The following CALN1 variants were observed in gnomAD, a reference collection of about 807,000 sequenced individuals.
CALN1 encodes calneuron 1, also known as calcium-binding protein 8.
Under a neutral mutation model 30.6 loss-of-function variants are expected in CALN1, and 17 were observed. The observed-to-expected ratio is 0.56, with a 90% CI of 0.38 to 0.83. CALN1 has a LOEUF of 0.83. Among genes scored for constraint, CALN1 ranks in the 40% least tolerant of loss-of-function variants. The pLI is 0.00. For synonymous variants in CALN1, 156 were observed against 131.4 expected, an observed-to-expected ratio of 1.19 and a Z score of -1.28; for missense variants, 291 against 354.9, an observed-to-expected ratio of 0.82 and a Z score of 1.45.
intron 3 of CALN1, among the ~76,000 whole-genome samples, chr7:72,163,282 A>G (rs886864742): frequency 3.9e-5 from 6 of 152,150 alleles, no homozygotes; most frequent in Non-Finnish European, 5.9e-5. Context: ...TGTTTGGACA[A>G]TAACTGCTTT....
intron 2 of CALN1, among the ~76,000 whole-genome samples, chr7:72,397,043 T>C (rs1407088728): frequency 2.0e-5 from 3 of 151,970 alleles, no homozygotes; most frequent in Admixed American, 6.6e-5. Flanking sequence ...CCAAAGTGGC[T>C]AGGACTACAG....
intron 4 of CALN1, among the ~76,000 whole-genome samples, chr7:72,033,648 G>A (rs1467040562): frequency 6.6e-6 from 1 of 152,180 alleles, no homozygotes; most frequent in Admixed American, 6.6e-5. Context: ...ATGCCAGGAA[G>A]GAGGGAAGGT....
At chr7:72,325,886 T>A (rs548338999) in intron 2 of CALN1, among the ~76,000 whole-genome samples, 1 of 152,078 alleles carries the variant, frequency 6.6e-6, no homozygotes, top group East Asian at 1.9e-4. Flanking sequence ...GGGCAAAAAA[T>A]GTGATTTAAC....
the CALN1 span, among the ~76,000 whole-genome samples, chr7:72,453,706 C>G: frequency 3.3e-5 from 5 of 152,098 alleles, no homozygotes; most frequent in Admixed American, 2.0e-4. Context: ...TTTTCCTGAC[C>G]GGACAAGAAT....
At chr7:72,254,453 T>C (rs1020732631) in intron 3 of CALN1, among the ~76,000 whole-genome samples, 6 of 152,272 alleles carry the variant, frequency 3.9e-5, no homozygotes, top group African/African-American at 1.4e-4. Flanking sequence ...CATCGTCTGC[T>C]GTCCCCACTC....
In CALN1 at chr7:72,429,637, C is replaced by T. The variant is rs559320325; in HGVS notation, c.-225-17362G>A. The stretch of plus-strand genomic sequence containing the variant: ...ACTCAATGTCATCATTTAAAAGAAA[C>T]AAAAACTTCTCACATTCTTCATGAT... On this transcript the variant is annotated intron_variant, in intron 1 of 6. Transcript: ENST00000395276. 1.3e-4 allele frequency among the ~76,000 whole-genome samples: 19 copies of T among 151,516 alleles called. No homozygotes were observed. The South Asian group carries it at 3.1e-3, about 25-fold the overall frequency.
At chr7:72,325,869 G>A (rs769442299) in intron 2 of CALN1, among the ~76,000 whole-genome samples, 1 of 152,100 alleles carries the variant, frequency 6.6e-6, no homozygotes, top group Non-Finnish European at 1.5e-5. Context: ...TCTGCCGCTT[G>A]ACATCTGGGC....
At chr7:72,075,487 T>C (rs1584889700) in intron 4 of CALN1, among the ~76,000 whole-genome samples, 7 of 152,242 alleles carry the variant, frequency 4.6e-5, no homozygotes, top group Admixed American at 4.6e-4. Context: ...CCTAGTTTAC[T>C]GTAGTTTTCT....
At chr7:72,413,048 C>T (rs1807276042), upstream of CALN1, among the ~76,000 whole-genome samples, 1 of 152,204 alleles carries the variant, frequency 6.6e-6, no homozygotes, top group African/African-American at 2.4e-5. Flanking sequence ...GACCTGGGCT[C>T]ACCCGGGGGG....
chr7:72,497,748 A>C, the CALN1 span, among the ~76,000 whole-genome samples: 3 of 152,208 alleles, frequency 2.0e-5, no homozygotes, highest in Non-Finnish European at 4.4e-5. Flanking sequence ...ATCATCCACA[A>C]GGTTATTATA....
chr7:72,356,947 T>G (rs1803269408), intron 2 of CALN1, among the ~76,000 whole-genome samples: 1 of 151,988 alleles, frequency 6.6e-6, no homozygotes, highest in South Asian at 2.1e-4. Context: ...CTTCTAAGCT[T>G]TGGTTTTGCT....
intron 5 of CALN1, among the ~76,000 whole-genome samples, chr7:72,008,386 G>A (rs889565093): frequency 6.6e-6 from 1 of 151,396 alleles, no homozygotes; most frequent in Non-Finnish European, 1.5e-5. Flanking sequence ...AAAGCTATAC[G>A]AAGAAGAAAA....
At chr7:71,880,171 T>C (rs1159251595) in intron 5 of CALN1, among the ~76,000 whole-genome samples, 2 of 152,174 alleles carry the variant, frequency 1.3e-5, no homozygotes, top group Non-Finnish European at 2.9e-5. Context: ...TTAGAGATTT[T>C]CACATTCTCA....
At chr7:72,194,868 G>A (rs1790881663) in intron 3 of CALN1, among the ~76,000 whole-genome samples, 1 of 151,982 alleles carries the variant, frequency 6.6e-6, no homozygotes, top group Non-Finnish European at 1.5e-5. Flanking sequence ...GGGATTACAG[G>A]TGTGAGCCTC....
chr7:71,888,803 G>C (rs1034435975), intron 5 of CALN1, among the ~76,000 whole-genome samples: 1 of 152,156 alleles, frequency 6.6e-6, no homozygotes, highest in African/African-American at 2.4e-5. Flanking sequence ...AGAGGAGAAA[G>C]GGGAGGAGGG....
At chr7:72,270,635 TG>T (rs1796915111) in intron 3 of CALN1, among the ~76,000 whole-genome samples, 1 of 151,508 alleles carries the variant, frequency 6.6e-6, no homozygotes, top group Admixed American at 6.6e-5. Flanking sequence ...ATTTAGCAGG[TG>T]TGGTGACACA....
intron 2 of CALN1, among the ~76,000 whole-genome samples, chr7:72,336,515 C>T (rs887291488): frequency 1.3e-5 from 2 of 152,112 alleles, no homozygotes; most frequent in African/African-American, 4.8e-5. Flanking sequence ...CCCCAGCCCG[C>T]GGGGTGGGTG....
intron 3 of CALN1, among the ~76,000 whole-genome samples, chr7:72,251,634 C>A (rs1255354256): frequency 6.6e-6 from 1 of 152,154 alleles, no homozygotes; most frequent in Non-Finnish European, 1.5e-5. Context: ...CTTCTGGGCT[C>A]AAGTAATCCT....
At chr7:72,271,578 ATAT>A (rs1562821317) in intron 3 of CALN1, among the ~76,000 whole-genome samples, 2 of 112,306 alleles carry the variant, frequency 1.8e-5, no homozygotes, top group African/African-American at 3.3e-5. Context: ...AAAAAAAAAT[ATAT>A]ATATATATAT....
Sources: allele counts gnomAD v4.1 joint callset (sites outside exome capture counted in the v4.1 genomes callset), GRCh38; gene constraint gnomAD v4.1.1; transcripts MANE v1.5; gene names NCBI Gene and HGNC (gene_info 2026-07-23, HGNC 2026-07-21).